The following KAT2B variants were observed in gnomAD, a reference collection of about 807,000 sequenced individuals.
KAT2B encodes the protein lysine acetyltransferase 2B.
KAT2B carries 36 observed loss-of-function variants against 105.9 expected under a neutral mutation model. The ratio of observed to expected loss-of-function variants is 0.34; its 90% CI spans 0.26 to 0.45. KAT2B has a LOEUF of 0.45. KAT2B is among the 20% of genes least tolerant of loss of function. The pLI is 1.00. For missense variants in KAT2B, 820 were observed against 1,021.6 expected (o/e 0.80, Z 2.69); for synonymous variants, 397 against 377.9 (o/e 1.05, Z -0.59).
intron 1 of KAT2B, among the ~76,000 whole-genome samples, chr3:20,045,416 T>C (rs886767065): frequency 2.6e-5 from 4 of 151,832 alleles, no homozygotes; most frequent in African/African-American, 9.7e-5. Flanking sequence ...ACTGGCACGA[T>C]CATAGCTCAC....
At chr3:20,143,674 C>A (rs985257322) in intron 13 of KAT2B, among the ~76,000 whole-genome samples, 1 of 152,090 alleles carries the variant, frequency 6.6e-6, no homozygotes, top group Non-Finnish European at 1.5e-5. Context: ...AAATGTAGTA[C>A]ATATACACCA....
chr3:20,073,399 A>G (rs1318201773), intron 2 of KAT2B, among the ~76,000 whole-genome samples: 1 of 152,212 alleles, frequency 6.6e-6, no homozygotes, highest in Non-Finnish European at 1.5e-5. Flanking sequence ...CTTCCTGCTT[A>G]CAAGAAATGG....
At chr3:20,085,990 G>A (rs1212223082) in intron 2 of KAT2B, among the ~76,000 whole-genome samples, 2 of 152,164 alleles carry the variant, frequency 1.3e-5, no homozygotes, top group Non-Finnish European at 2.9e-5. Context: ...GCTGTTTTGA[G>A]CTGGGCATGG....
chr3:20,106,989 A>G (rs1233374729), intron 5 of KAT2B, among the ~76,000 whole-genome samples: 39 of 21,112 alleles, frequency 1.8e-3, no homozygotes, highest in East Asian at 0.017. Context: ...GTATATATAT[A>G]TATATATATA....
intron 5 of KAT2B, among the ~76,000 whole-genome samples, chr3:20,108,245 A>C (rs1046512176): frequency 2.0e-5 from 3 of 150,334 alleles, no homozygotes; most frequent in Non-Finnish European, 4.4e-5. Flanking sequence ...TTTAAAAGTA[A>C]AATTGAAATT....
intron 11 of KAT2B, among the ~76,000 whole-genome samples, chr3:20,131,321 C>G (rs887454362): frequency 3.3e-5 from 5 of 151,734 alleles, no homozygotes; most frequent in African/African-American, 1.2e-4. Flanking sequence ...AGCCAATTTC[C>G]TGATCTTTTT....
intron 4 of KAT2B, 83 bp downstream of exon 4, chr3:20,100,037 G>T: frequency 1.4e-6 from 1 of 738,794 alleles, no homozygotes; most frequent in Middle Eastern, 2.4e-4. Flanking sequence ...TCTATCTACG[G>T]CTTCCCTCCT....
At chr3:20,086,215 G>C (rs1194767593) in intron 2 of KAT2B, among the ~76,000 whole-genome samples, 3 of 152,138 alleles carry the variant, frequency 2.0e-5, no homozygotes, top group African/African-American at 7.2e-5. Flanking sequence ...CGAGGCTGCA[G>C]TGAGCCATAA....
intron 1 of KAT2B, among the ~76,000 whole-genome samples, chr3:20,049,078 TC>T (rs1697867533): frequency 6.7e-6 from 1 of 149,246 alleles, no homozygotes; most frequent in Admixed American, 6.7e-5. Context: ...CCCAAGATGG[TC>T]TCGATTTCTT....
chr3:20,054,085 A>T (rs188034989), intron 1 of KAT2B, among the ~76,000 whole-genome samples: 1 of 151,274 alleles, frequency 6.6e-6, no homozygotes, highest in East Asian at 2.0e-4. Flanking sequence ...GGCATGAGCC[A>T]TTGTGTCCGG....
intron 6 of KAT2B, among the ~76,000 whole-genome samples, chr3:20,113,743 G>T (rs1302846177): frequency 6.6e-6 from 1 of 152,158 alleles, no homozygotes; most frequent in Non-Finnish European, 1.5e-5. Flanking sequence ...ACCCAGGGAG[G>T]TCTCTGCAAT....
intron 5 of KAT2B, among the ~76,000 whole-genome samples, chr3:20,105,919 T>G (rs1347952865): frequency 2.6e-5 from 4 of 152,184 alleles, no homozygotes. Context: ...TACAGCCTAT[T>G]GCCATGTATA....
At chr3:20,044,746 C>T (rs1182528589) in intron 1 of KAT2B, among the ~76,000 whole-genome samples, 1 of 152,092 alleles carries the variant, frequency 6.6e-6, no homozygotes, top group Non-Finnish European at 1.5e-5. Context: ...AGAAATTATC[C>T]AAATTCATCT....
intron 1 of KAT2B, among the ~76,000 whole-genome samples, chr3:20,064,157 C>T (rs1339545849): frequency 1.3e-5 from 2 of 152,186 alleles, no homozygotes; most frequent in Non-Finnish European, 2.9e-5. Context: ...CAATTTTTCA[C>T]ATGCCTGATA....
intron 2 of KAT2B, among the ~76,000 whole-genome samples, chr3:20,077,191 G>A (rs1287258761): frequency 1.3e-5 from 2 of 152,120 alleles, no homozygotes; most frequent in African/African-American, 2.4e-5. Flanking sequence ...AATAATTCTA[G>A]CCTGTCTGGG....
chr3:20,127,136 C>G (rs1699419658), intron 10 of KAT2B, among the ~76,000 whole-genome samples: 1 of 152,210 alleles, frequency 6.6e-6, no homozygotes, highest in East Asian at 1.9e-4. Context: ...GTGCCAGTTC[C>G]AGAGCACCTC....
At chr3:20,062,963 C>T (rs1394144066) in intron 1 of KAT2B, among the ~76,000 whole-genome samples, 2 of 151,936 alleles carry the variant, frequency 1.3e-5, no homozygotes, top group Non-Finnish European at 2.9e-5. Context: ...ATATTTTCTC[C>T]CATTCTCTGG....
chr3:20,045,562 G>T (rs1473328994), intron 1 of KAT2B, among the ~76,000 whole-genome samples: 1 of 151,996 alleles, frequency 6.6e-6, no homozygotes, highest in Non-Finnish European at 1.5e-5. Context: ...GTGAATGTAT[G>T]AGTAGGCCAA....
intron 1 of KAT2B, among the ~76,000 whole-genome samples, chr3:20,048,197 C>G (rs1295952877): frequency 6.6e-6 from 1 of 152,024 alleles, no homozygotes; most frequent in Non-Finnish European, 1.5e-5. Flanking sequence ...TTGGCAGGCA[C>G]AATACAAAAA....
Sources: gnomAD v4.1 joint callset for allele counts (sites outside exome capture counted in the v4.1 genomes callset) on GRCh38, gnomAD v4.1.1 for gene constraint, MANE v1.5 for transcripts, NCBI Gene and HGNC (gene_info 2026-07-23, HGNC 2026-07-21) for gene names.